Variants in C6orf62 observed in about 807,000 individuals in gnomAD.
The protein encoded by C6orf62 is uncharacterized protein C6orf62.
In C6orf62, 16 loss-of-function variants were observed where a neutral mutation model predicts 26.8. The observed-to-expected ratio is 0.60, with a 90% CI of 0.40 to 0.91. C6orf62 has a LOEUF of 0.91. Among genes scored for constraint, C6orf62 ranks in the 40% least tolerant of loss-of-function variants. The pLI, the probability that C6orf62 is intolerant of heterozygous loss-of-function variation, is 0.00. For synonymous variants in C6orf62, 112 were observed against 91.5 expected, an observed-to-expected ratio of 1.22 and a Z score of -1.28; for missense variants, 192 against 271.4, an observed-to-expected ratio of 0.71 and a Z score of 2.06.
At chr6:24,709,492 A>C (rs1259227083) in intron 3 of C6orf62, 3 of 971,162 alleles carry the variant, frequency 3.1e-6, no homozygotes, top group Admixed American at 1.2e-4. Context: ...CAAATCCCTT[A>C]AACTTCAGCT....
chr6:24,719,990 T>G (rs1473007203), upstream of C6orf62: 1 of 1,539,922 alleles, frequency 6.5e-7, no homozygotes, highest in Non-Finnish European at 8.8e-7. Flanking sequence ...AAAATAATTG[T>G]GTTAATATTA....
At chr6:24,710,335 G>A (rs149968274) in intron 3 of C6orf62, 7,253 of 692,222 alleles carry the variant, frequency 0.01, 57 homozygotes, top group Middle Eastern at 0.019. Flanking sequence ...GCGCGATCTC[G>A]GCTCACTGCA....
At chr6:24,707,286 G>A (rs192661062) in intron 4 of C6orf62, 1 of 152,160 alleles carries the variant, frequency 6.6e-6, no homozygotes, top group Admixed American at 6.5e-5. Context: ...CAGCCAGCAA[G>A]TGGCTGCATC....
chr6:24,720,012 A>AGGGGGGGGGGG, upstream of C6orf62: 6 of 1,463,266 alleles, frequency 4.1e-6, no homozygotes, highest in African/African-American at 1.5e-5. Context: ...TTCTAAAGTA[A>AGGGGGGGGGGG]GCCCACCCAC....
At chr6:24,712,640 C>T (rs1779143967) in intron 3 of C6orf62, among the ~76,000 whole-genome samples, 1 of 138,734 alleles carries the variant, frequency 7.2e-6, no homozygotes, top group South Asian at 2.3e-4. Flanking sequence ...TGCAGTGAGC[C>T]AAGATCACAC....
chr6:24,719,522 G>A (rs1235138135), upstream of C6orf62: 3 of 1,156,282 alleles, frequency 2.6e-6, no homozygotes, highest in African/African-American at 3.2e-5. Flanking sequence ...TCACCCTCAG[G>A]CGGCTGCTAA....
intron 3 of C6orf62, among the ~76,000 whole-genome samples, chr6:24,712,272 C>T (rs1779134469): frequency 1.3e-5 from 2 of 152,114 alleles, no homozygotes; most frequent in African/African-American, 2.4e-5. Context: ...ATCCCAGCTA[C>T]TCAAGAGGCT....
At chr6:24,708,730 T>G in intron 4 of C6orf62, 47 bp downstream of exon 4, 3 of 1,611,350 alleles carry the variant, frequency 1.9e-6, no homozygotes, top group Non-Finnish European at 2.5e-6. Context: ...TACTAACCAA[T>G]AAGTTTTTGA....
intron 1 of C6orf62, among the ~76,000 whole-genome samples, chr6:24,716,754 A>C (rs183467353): frequency 1.5e-3 from 233 of 151,170 alleles, no homozygotes; most frequent in Admixed American, 3.0e-3. Context: ...ATGGAGTCTC[A>C]CTGTGTTGCC....
chr6:24,712,732 T>C (rs1779146152), intron 3 of C6orf62, among the ~76,000 whole-genome samples: 1 of 146,642 alleles, frequency 6.8e-6, no homozygotes, highest in Non-Finnish European at 1.5e-5. Flanking sequence ...TACAGTCAAC[T>C]CTCAATAAAC....
Position 24,718,630 on chromosome 6 carries a change from G to A in C6orf62, c.39C>T (p.Asn13=). 1 of 1,614,014 alleles carries A rather than the reference G, an allele frequency of 6.2e-7. No homozygotes were observed. Among genetic ancestry groups the A allele is most frequent in the Non-Finnish European group, 8.5e-7 (1 of 1,179,986 alleles). ...DPNSRKKQAL[N]RLRAQLRKKK... ...TCTTTCTAAGCTGAGCACGTAGTCTGTTCAGAGCTTGTTTCTTCCGGGAGT... is the reference window on the plus strand; with the variant it reads ...TCTTTCTAAGCTGAGCACGTAGTCTATTCAGAGCTTGTTTCTTCCGGGAGT... The change falls in exon 1 of 5, where the codon AAC becomes AAT. Residue 13 remains asparagine, a synonymous_variant. Coordinates refer to ENST00000378119, the MANE Select transcript of C6orf62 (RefSeq NM_030939.5).
intron 3 of C6orf62, chr6:24,709,574 C>T (rs1439168862): frequency 1.0e-6 from 1 of 985,044 alleles, no homozygotes; most frequent in Non-Finnish European, 1.2e-6. Context: ...ATGTAAAGCC[C>T]ACAACTGAAA....
At chr6:24,712,539 T>C (rs547320514) in intron 3 of C6orf62, among the ~76,000 whole-genome samples, 39 of 151,552 alleles carry the variant, frequency 2.6e-4, no homozygotes, top group African/African-American at 9.4e-4. Context: ...CGTGGTGGCA[T>C]GTCCCTGTAG....
At chr6:24,711,053 A>G (rs1170594353) in intron 3 of C6orf62, among the ~76,000 whole-genome samples, 2 of 152,164 alleles carry the variant, frequency 1.3e-5, no homozygotes, top group Admixed American at 6.5e-5. Flanking sequence ...CACAAAAACA[A>G]ATGTGTTAAA....
At position 24,715,848 on chromosome 6, in the gene C6orf62, CAAAA is replaced by C. The variant is rs139717677; in HGVS notation, c.306+296_306+299del. On this transcript the variant is annotated intron_variant, in intron 2 of 4. Coordinates refer to ENST00000378119, the MANE Select transcript of C6orf62 (RefSeq NM_030939.5). ...TCAGCGAAAGAGCAAGACTTTGTCTCAAAAAAAAAAAAAAAAAAAAAAGTCCGAG... is the reference window on the plus strand; with the variant it reads ...TCAGCGAAAGAGCAAGACTTTGTCTCAAAAAAAAAAAAAAAAAAGTCCGAG... Among the ~76,000 whole-genome samples the C allele has an allele frequency of 6.3e-4, 40 of 63,820 alleles. No individual in the cohort carries two copies. The South Asian group carries it at 0.019, about 30-fold the overall frequency. 41.9% of individuals were successfully genotyped at this position (63,820 alleles called of 152,430 possible). A position where few individuals can be genotyped will look rare whatever the true frequency, so the allele number is the denominator to read the frequency against.
rs1015146521 is a variant in C6orf62, at chr6:24,706,158, G to A, written c.669C>T (p.Leu223=). Residue 223 remains leucine (L), a synonymous_variant, in exon 5 of 5, where the codon CTC becomes CTT. Transcript: ENST00000378119. ...TACTCTACTCTGGCATATAAGGACG[G>A]AGGTGATCCTCTATGGTGCCAACTG... ...HWAVGTIEDH[L]RPYMPE 3 of 1,614,116 alleles carry A rather than the reference G, an allele frequency of 1.9e-6. No homozygotes were observed. The African/African-American group carries it at 4.0e-5, about 22-fold the overall frequency.
chr6:24,714,939 CAG>C lies in C6orf62; in HGVS notation c.307-501_307-500del, dbSNP rs973608895. ...GGCTCTAATTTTAATTTTTATCTTA[CAG>C]AGAGTCACATACACTCAGTCCAATG... On this transcript the variant is annotated intron_variant, in intron 2 of 4. Coordinates refer to ENST00000378119, the MANE Select transcript of C6orf62 (RefSeq NM_030939.5). Among the ~76,000 whole-genome samples, 161 of 152,180 alleles carry C rather than the reference CAG, an allele frequency of 1.1e-3. 1 individual carries two copies. Among genetic ancestry groups the C allele is most frequent in the African/African-American group, 3.6e-3 (150 of 41,544 alleles).
In C6orf62 at chr6:24,718,705, G is replaced by T; in HGVS notation, c.-37C>A. The T allele has an allele frequency of 1.2e-6, 2 of 1,606,798 alleles. No individual in the cohort carries two copies. The highest frequency in any genetic ancestry group is 4.5e-5 in the East Asian group (2 of 44,802). On this transcript the variant is annotated 5_prime_UTR_variant, in exon 1 of 5. Transcript: ENST00000378119. The stretch of plus-strand genomic sequence containing the variant: ...GGTGGTACTAAAGCCTTTGGAAATT[G>T]TCACTAAACTATGGGCACTTTTTCT...
upstream of C6orf62, chr6:24,719,219 G>A (rs1779303441): frequency 6.1e-6 from 6 of 987,080 alleles, no homozygotes; most frequent in Non-Finnish European, 7.2e-6. Context: ...AACAGGGTAG[G>A]TGAATGAAAC....
Sources: gnomAD v4.1 joint callset for allele counts (sites outside exome capture counted in the v4.1 genomes callset) on GRCh38, gnomAD v4.1.1 for gene constraint, MANE v1.5 for transcripts, NCBI Gene and HGNC (gene_info 2026-07-23, HGNC 2026-07-21) for gene names.